Variants in VPS35L observed in about 807,000 individuals in gnomAD.
The protein encoded by VPS35L is VPS35 endosomal protein-sorting factor-like.
VPS35L carries 83 observed loss-of-function variants against 133.0 expected under a neutral mutation model. The observed-to-expected ratio is 0.62, with a 90% CI of 0.52 to 0.75. The LOEUF is 0.75. Ranked by LOEUF, VPS35L falls within the 30% of genes least tolerant of loss-of-function variation. The probability of loss-of-function intolerance (pLI) is 0.00; values close to 1 mark genes in which losing one functional copy is unlikely to be tolerated. For missense variants in VPS35L, 1,083 were observed against 1,206.8 expected, an observed-to-expected ratio of 0.90 and a Z score of 1.52; for synonymous variants, 423 against 449.9, an observed-to-expected ratio of 0.94 and a Z score of 0.76.
At chr16:19,560,038 A>T (rs1405833513) in intron 1 of VPS35L, among the ~76,000 whole-genome samples, 5 of 152,028 alleles carry the variant, frequency 3.3e-5, no homozygotes, top group East Asian at 1.9e-4. Flanking sequence ...CCCCCTTTTT[A>T]AAAAAAATAA....
At chr16:19,689,281 T>A (rs1383657527) in intron 28 of VPS35L, among the ~76,000 whole-genome samples, 1 of 151,712 alleles carries the variant, frequency 6.6e-6, no homozygotes, top group African/African-American at 2.4e-5. Flanking sequence ...CTGGCGTTTT[T>A]TTTTTTTGAG....
At chr16:19,651,908 G>T (rs1182790713) in intron 25 of VPS35L, 68 bp from the exon 26 acceptor site, 9 of 1,103,962 alleles carry the variant, frequency 8.2e-6, no homozygotes, top group Non-Finnish European at 1.1e-5. Context: ...ATACATGAGG[G>T]ATGAAAACAG....
intron 24 of VPS35L, 59 bp downstream of exon 24, chr16:19,647,941 C>A: frequency 1.4e-6 from 2 of 1,385,314 alleles, no homozygotes; most frequent in South Asian, 1.2e-5. Flanking sequence ...TCATCTACAT[C>A]CCAATCATTT....
intron 20 of VPS35L, among the ~76,000 whole-genome samples, chr16:19,638,451 T>C (rs1418135955): frequency 6.6e-6 from 1 of 152,234 alleles, no homozygotes; most frequent in Non-Finnish European, 1.5e-5. Flanking sequence ...CAGATAGAAC[T>C]GACTGCTGTG....
In VPS35L at chr16:19,639,668, A is replaced by G. The variant is rs1280117600; in HGVS notation, c.1699-347A>G. Among the ~76,000 whole-genome samples, 1 of 152,102 alleles carries G rather than the reference A, an allele frequency of 6.6e-6. No homozygotes were observed. The highest frequency in any genetic ancestry group is 1.5e-5 in the Non-Finnish European group (1 of 68,026). ...CTCAGCCTTCCAAGTAGCTGGGACT[A>G]CAGGCATGCATCACCATGCCTGGTT... On this transcript the variant is annotated intron_variant, in intron 20 of 30. Transcript: ENST00000417362. The surrounding 1 kb of genome is among the most constrained non-coding windows in gnomAD (Gnocchi z 4.1).
chr16:19,691,108 G>A (rs781567808), intron 28 of VPS35L, among the ~76,000 whole-genome samples: 1 of 152,146 alleles, frequency 6.6e-6, no homozygotes, highest in African/African-American at 2.4e-5. Flanking sequence ...CCCGCTCCCC[G>A]CCACGCACAC....
chr16:19,697,286 C>G (rs775988335), intron 29 of VPS35L, among the ~76,000 whole-genome samples: 5 of 152,174 alleles, frequency 3.3e-5, no homozygotes, highest in Admixed American at 3.3e-4. Flanking sequence ...GGGGAGGTGC[C>G]GAAGAGTCTT....
chr16:19,591,979 TTAAG>T (rs1972058962), intron 8 of VPS35L, 105 bp downstream of exon 8: 4 of 889,818 alleles, frequency 4.5e-6, no homozygotes, highest in Middle Eastern at 2.4e-4. Flanking sequence ...GTTTAAGTTA[TTAAG>T]TAAGTCATGG....
rs1010343558 is a variant in VPS35L at position 19,633,287 on chromosome 16, A to C, written c.1635+115A>C. ...GCACATAATCCTGTGTTTGAATCAT[A>C]GCTCTGCCATATCCTAGCCATGTGC... On this transcript the variant is annotated intron_variant, in intron 19 of 30. Transcript: ENST00000417362. This position sits in a 1 kb window ranked among gnomAD's most constrained non-coding sequence, Gnocchi z 4.1. 2 of 950,982 alleles carry C rather than the reference A, an allele frequency of 2.1e-6. No individual in the cohort carries two copies. Among genetic ancestry groups the C allele is most frequent in the Non-Finnish European group, 3.3e-6 (2 of 597,938 alleles). 58.9% of individuals were successfully genotyped at this position (950,982 alleles called of 1,614,324 possible).
chr16:19,607,076 T>C (rs1041784883), intron 9 of VPS35L, among the ~76,000 whole-genome samples: 1 of 152,258 alleles, frequency 6.6e-6, no homozygotes, highest in Non-Finnish European at 1.5e-5. Flanking sequence ...TTGTAAGTTT[T>C]GTGTTTTTTC....
rs184600006 is a variant in VPS35L at position 19,622,362 on chromosome 16, C to T, written c.1225-3815C>T. Among the ~76,000 whole-genome samples the T allele has an allele frequency of 2.1e-3, 312 of 151,746 alleles. 2 individuals carry two copies. The highest frequency in any genetic ancestry group is 0.01 in the Middle Eastern group (3 of 294). On this transcript the variant is annotated intron_variant, in intron 14 of 30. Coordinates refer to ENST00000417362, the MANE Select transcript of VPS35L (RefSeq NM_020314.7). ...CTCATCATCTTGGCCAGGCTGGTCTCGAAATCCTTACCTCAGGTGATCCAC... is the reference window on the plus strand; with the variant it reads ...CTCATCATCTTGGCCAGGCTGGTCTTGAAATCCTTACCTCAGGTGATCCAC...
intron 1 of VPS35L, among the ~76,000 whole-genome samples, chr16:19,557,006 C>T (rs998570753): frequency 1.3e-5 from 2 of 152,056 alleles, no homozygotes; most frequent in African/African-American, 4.8e-5. Flanking sequence ...GTGGCACGCA[C>T]CTGTAATCCC....
At chr16:19,582,824 C>A (rs560844134) in intron 7 of VPS35L, among the ~76,000 whole-genome samples, 1 of 152,262 alleles carries the variant, frequency 6.6e-6, no homozygotes, top group African/African-American at 2.4e-5. Flanking sequence ...CCACATCTGG[C>A]TAATAGTAAC....
In VPS35L at chr16:19,650,559, A is replaced by G. The variant is rs1974093687; in HGVS notation, c.2106+100A>G. 1.7e-5 allele frequency: 16 copies of G among 955,808 alleles called. No homozygotes were observed. The South Asian group carries it at 2.1e-4, about 12-fold the overall frequency. 59.2% of individuals were successfully genotyped at this position (955,808 alleles called of 1,614,324 possible). A position where few individuals can be genotyped will look rare whatever the true frequency, so the allele number is the denominator to read the frequency against. On this transcript the variant is annotated intron_variant, in intron 25 of 30. Transcript: ENST00000417362. ...TTTCCCAGAAAAAGATGAGTATGTC[A>G]TGATAAGAATGGTTTAGTATTGATT...
Position 19,569,529 on chromosome 16 carries a change from G to T in VPS35L, c.223G>T (p.Gly75Trp), listed in dbSNP as rs938526744. The T allele has an allele frequency of 6.2e-7, 1 of 1,606,120 alleles. No homozygotes were observed. The highest frequency in any genetic ancestry group is 2.2e-5 in the East Asian group (1 of 44,710). The stretch of plus-strand genomic sequence containing the variant: ...GGACCCGCTGAGCAGCGTCCTCGAT[G>T]GGACTGACCCCCTCTCCATGTTTGC... ...VVDPLSSVLD[G>W]TDPLSMFAAT... Residue 75 changes from glycine to tryptophan, a missense_variant, in exon 3 of 31, where the codon GGG (glycine) becomes TGG (tryptophan). Gly to Trp is a radical substitution (Grantham distance 184). Coordinates refer to ENST00000417362, the MANE Select transcript of VPS35L (RefSeq NM_020314.7).
chr16:19,674,301 C>T (rs1177216034), intron 27 of VPS35L, among the ~76,000 whole-genome samples: 3 of 143,914 alleles, frequency 2.1e-5, no homozygotes, highest in Non-Finnish European at 3.0e-5. Context: ...AAGCAATTCT[C>T]GTGCCTCAGT....
chr16:19,569,442 A>T lies in VPS35L; in HGVS notation c.136A>T (p.Lys46Ter), dbSNP rs755678441. The T allele has an allele frequency of 1.3e-6, 2 of 1,597,002 alleles. No individual in the cohort carries two copies. Among genetic ancestry groups the T allele is most frequent in the Non-Finnish European group, 1.7e-6 (2 of 1,172,666 alleles). ...CTCACAGGTCACAGAGTCAAAGACA[A>T]AGAAAGTGAACCGGAAAGGAAGCAC... is the stretch of plus-strand genomic sequence containing the variant. ...KPITVTESKTKKVNRKGSTSS... is the reference protein window; with the variant it reads ...KPITVTESKT The change falls in exon 3 of 31, where the codon AAG (lysine) becomes TAG (stop). Residue 46 changes from lysine to a stop codon, truncating the protein, a stop_gained. Transcript: ENST00000417362. LOFTEE classifies it high-confidence loss of function.
At chr16:19,596,179 CCAT>C (rs1972209045) in intron 8 of VPS35L, among the ~76,000 whole-genome samples, 1 of 152,150 alleles carries the variant, frequency 6.6e-6, no homozygotes. Flanking sequence ...CCCAGGGTCA[CCAT>C]CATAGTGAAT....
chr16:19,600,964 C>G (rs1384018020), intron 8 of VPS35L, among the ~76,000 whole-genome samples: 1 of 152,196 alleles, frequency 6.6e-6, no homozygotes, highest in Non-Finnish European at 1.5e-5. Flanking sequence ...GGGTCTTGCT[C>G]TCTCACCCAG....
Sources: allele counts gnomAD v4.1 joint callset (sites outside exome capture counted in the v4.1 genomes callset), GRCh38; gene constraint gnomAD v4.1.1; non-coding constraint Gnocchi (gnomAD v3.1); transcripts MANE v1.5; gene names NCBI Gene and HGNC (gene_info 2026-07-23, HGNC 2026-07-21).